The following CNTNAP2 variants were observed in gnomAD, a reference collection of about 807,000 sequenced individuals.
CNTNAP2 encodes contactin associated protein 2.
In CNTNAP2, 98 loss-of-function variants were observed where a neutral mutation model predicts 155.2. The observed-to-expected ratio is 0.63, with a 90% CI of 0.54 to 0.75. CNTNAP2 has a LOEUF of 0.75. CNTNAP2 is among the 30% of genes least tolerant of loss of function. The probability of loss-of-function intolerance (pLI) is 0.00; values close to 1 mark genes in which losing one functional copy is unlikely to be tolerated. For missense variants in CNTNAP2, 1,727 were observed against 1,688.1 expected, an observed-to-expected ratio of 1.02 and a Z score of -0.40; for synonymous variants, 651 against 631.2, an observed-to-expected ratio of 1.03 and a Z score of -0.47.
intron 13 of CNTNAP2, among the ~76,000 whole-genome samples, chr7:147,822,010 A>G (rs1798370058): frequency 6.6e-6 from 1 of 152,150 alleles, no homozygotes; most frequent in Admixed American, 6.6e-5. Flanking sequence ...GCCAAGAAAC[A>G]ATAGTGTTTA....
intron 1 of CNTNAP2, among the ~76,000 whole-genome samples, chr7:146,430,361 G>C (rs1325681061): frequency 6.6e-6 from 1 of 151,856 alleles, no homozygotes; most frequent in African/African-American, 2.4e-5. Flanking sequence ...TCTGGAACTG[G>C]AGTATCTTAC....
At chr7:146,494,151 G>A (rs1449780696) in intron 1 of CNTNAP2, among the ~76,000 whole-genome samples, 2 of 152,116 alleles carry the variant, frequency 1.3e-5, no homozygotes, top group East Asian at 1.9e-4. Context: ...TGGCTAACAC[G>A]GTGAAACGCT....
In CNTNAP2 at chr7:146,124,056, C is replaced by G. The variant is rs1197042055; in HGVS notation, c.97+7083C>G. On this transcript the variant is annotated intron_variant, in intron 1 of 23. Coordinates refer to ENST00000361727, the MANE Select transcript of CNTNAP2 (RefSeq NM_014141.6). ...AAGTGGGAGTTGAATAATGAGAACA[C>G]CTCAGCACAGGGAGGGGAACATCAC... Among the ~76,000 whole-genome samples the G allele has an allele frequency of 2.0e-5, 3 of 152,070 alleles. No homozygotes were observed. In the East Asian group the frequency reaches 5.8e-4, roughly 29 times the overall value.
chr7:148,331,686 T>C (rs1302778200), intron 21 of CNTNAP2, among the ~76,000 whole-genome samples: 6 of 151,588 alleles, frequency 4.0e-5, no homozygotes, highest in South Asian at 4.2e-4. Context: ...ATGGATGGAA[T>C]GGACGGATGG....
intron 20 of CNTNAP2, among the ~76,000 whole-genome samples, chr7:148,234,999 G>T (rs1182896875): frequency 6.6e-6 from 1 of 152,160 alleles, no homozygotes; most frequent in Non-Finnish European, 1.5e-5. Context: ...CAGATTTTCT[G>T]CAAGCAAAAT....
intron 13 of CNTNAP2, among the ~76,000 whole-genome samples, chr7:147,876,720 T>C (rs1322031224): frequency 6.6e-6 from 1 of 152,136 alleles, no homozygotes; most frequent in Non-Finnish European, 1.5e-5. Flanking sequence ...GTAGAGACGA[T>C]GTTTTCTAGG....
chr7:146,580,487 G>C (rs79365005), intron 1 of CNTNAP2, among the ~76,000 whole-genome samples: 6 of 140,940 alleles, frequency 4.3e-5, no homozygotes, highest in Non-Finnish European at 7.7e-5. Context: ...AAAAAAAAAA[G>C]ATTCAAGAGA....
intron 11 of CNTNAP2, among the ~76,000 whole-genome samples, chr7:147,551,704 T>C (rs1799856156): frequency 6.6e-6 from 1 of 152,186 alleles, no homozygotes; most frequent in Non-Finnish European, 1.5e-5. Context: ...AACAGTAGAC[T>C]CTCAAGGATG....
chr7:146,544,350 C>T (rs1797997260), intron 1 of CNTNAP2, among the ~76,000 whole-genome samples: 1 of 151,948 alleles, frequency 6.6e-6, no homozygotes. Flanking sequence ...CCCTAGTTTT[C>T]TGAGATGAAG....
At chr7:146,746,892 A>G (rs1381185759) in intron 1 of CNTNAP2, among the ~76,000 whole-genome samples, 1 of 151,984 alleles carries the variant, frequency 6.6e-6, no homozygotes, top group African/African-American at 2.4e-5. Flanking sequence ...ATTATAGGTA[A>G]CCTAGCAACA....
At chr7:146,315,949 T>G (rs1446902417) in intron 1 of CNTNAP2, among the ~76,000 whole-genome samples, 1 of 152,162 alleles carries the variant, frequency 6.6e-6, no homozygotes, top group Non-Finnish European at 1.5e-5. Context: ...CCATTTGAAA[T>G]TATAAAAAGT....
At chr7:147,218,114 T>C (rs574486565) in intron 8 of CNTNAP2, among the ~76,000 whole-genome samples, 231 of 152,058 alleles carry the variant, frequency 1.5e-3, no homozygotes, top group Middle Eastern at 6.8e-3. Context: ...CTTTTCCCTA[T>C]TGATTTCTTA....
chr7:147,518,501 T>C (rs762673685), intron 11 of CNTNAP2, among the ~76,000 whole-genome samples: 4 of 152,190 alleles, frequency 2.6e-5, no homozygotes, highest in Non-Finnish European at 5.9e-5. Context: ...TACATACAGA[T>C]GCTATGAGAA....
intron 15 of CNTNAP2, among the ~76,000 whole-genome samples, chr7:148,024,157 TAA>T (rs34591496): frequency 9.3e-6 from 1 of 107,628 alleles, no homozygotes. Context: ...CTTTAAAGTG[TAA>T]AAAAAAAAAA....
rs144003099 is a variant in CNTNAP2 at position 148,267,059 on chromosome 7, C to T, written c.3408C>T (p.Tyr1136=). ...TCGATCATTATCCTTCTGTGAGTTACCATCTGCCAAGTTCATCCGACACCC... is the reference window on the plus strand; with the variant it reads ...TCGATCATTATCCTTCTGTGAGTTATCATCTGCCAAGTTCATCCGACACCC... ...LKLDHYPSVS[Y]HLPSSSDTLF... is the part of the protein sequence containing the mutation. Residue 1136 remains tyrosine, a synonymous_variant, in exon 21 of 24, where the codon TAC becomes TAT. Transcript: ENST00000361727. 1.9e-6 allele frequency: 3 copies of T among 1,614,028 alleles called. No individual in the cohort carries two copies. Among genetic ancestry groups the T allele is most frequent in the Admixed American group, 1.7e-5 (1 of 59,994 alleles).
intron 19 of CNTNAP2, among the ~76,000 whole-genome samples, chr7:148,221,743 C>T (rs1471441219): frequency 6.6e-6 from 1 of 152,128 alleles, no homozygotes; most frequent in Non-Finnish European, 1.5e-5. Context: ...ACCAGCTGCC[C>T]CCAGCACCAC....
chr7:146,834,432 G>A (rs764146569), intron 2 of CNTNAP2, among the ~76,000 whole-genome samples: 17 of 151,948 alleles, frequency 1.1e-4, no homozygotes, highest in Non-Finnish European at 1.6e-4. Flanking sequence ...CTACACACAC[G>A]CAAATACACA....
At chr7:146,152,715 C>T (rs144546199) in intron 1 of CNTNAP2, among the ~76,000 whole-genome samples, 5 of 152,172 alleles carry the variant, frequency 3.3e-5, no homozygotes, top group African/African-American at 9.6e-5. Flanking sequence ...GGAGTCACCA[C>T]ATGGACAATA....
At chr7:147,385,377 A>G (rs1008386445) in intron 9 of CNTNAP2, among the ~76,000 whole-genome samples, 3 of 152,152 alleles carry the variant, frequency 2.0e-5, no homozygotes, top group African/African-American at 4.8e-5. Context: ...CCATAGTCCA[A>G]CGTCTCATCT....
Sources: gnomAD v4.1 joint callset for allele counts (sites outside exome capture counted in the v4.1 genomes callset) on GRCh38, gnomAD v4.1.1 for gene constraint, MANE v1.5 for transcripts, NCBI Gene and HGNC (gene_info 2026-07-23, HGNC 2026-07-21) for gene names.